The following PIGM variants were observed in gnomAD, a reference collection of about 807,000 sequenced individuals.
PIGM encodes the protein GPI alpha-1,4-mannosyltransferase I, catalytic subunit.
A neutral mutation model predicts 14.6 loss-of-function variants in PIGM; 7 were observed. That is an observed-to-expected ratio of 0.48 (90% CI 0.27 to 0.90). PIGM has a LOEUF of 0.90. Among genes scored for constraint, PIGM ranks in the 40% least tolerant of loss-of-function variants. The probability of loss-of-function intolerance (pLI) is 0.12; values close to 1 mark genes in which losing one functional copy is unlikely to be tolerated. For synonymous variants in PIGM, 216 were observed against 215.9 expected (o/e 1.00, Z 0.00); for missense variants, 506 against 516.2 (o/e 0.98, Z 0.19).
In PIGM at chr1:160,031,601, A is replaced by G. The variant is rs774706998; in HGVS notation, c.139T>C (p.Tyr47His). ...AAGACCTGGTAGTCGATGTCCGTAT[A>G]CCTCACGTGCAGGGTCCGGTCCTGG... is the stretch of plus-strand genomic sequence containing the variant. ...VFQDRTLHVR[Y>H]TDIDYQVFTD... The change falls in exon 1 of 1, where the codon TAT becomes CAT. Residue 47 changes from tyrosine (Y) to histidine (H), a missense_variant. By Grantham distance (83) the Tyr-to-His change is moderately conservative. Transcript: ENST00000368090. 1.9e-6 allele frequency: 3 copies of G among 1,613,888 alleles called. No homozygotes were observed.
At position 160,031,568 on chromosome 1, in the gene PIGM, C is replaced by G; in HGVS notation, c.172G>C (p.Ala58Pro). 6.2e-7 allele frequency: 1 copy of G among 1,614,176 alleles called. No homozygotes were observed. Among genetic ancestry groups the G allele is most frequent in the Non-Finnish European group, 8.5e-7 (1 of 1,180,034 alleles). ...CGCCCCTCCGTGACGAAGCGCGCGG[C>G]GTCGGTGAAGACCTGGTAGTCGATG... Reference protein sequence around the residue: ...TDIDYQVFTDAARFVTEGRSP... With the variant: ...TDIDYQVFTDPARFVTEGRSP... The change falls in exon 1 of 1, where the codon GCC becomes CCC. Residue 58 changes from alanine to proline, a missense_variant. By Grantham distance (27) the Ala-to-Pro change is conservative. Coordinates refer to ENST00000368090, the MANE Select transcript of PIGM (RefSeq NM_145167.3).
chr1:160,031,409 A>G lies in PIGM; in HGVS notation c.331T>C (p.Tyr111His), dbSNP rs1442624443. The change falls in exon 1 of 1, where the codon TAC (tyrosine) becomes CAC (histidine). Residue 111 changes from tyrosine to histidine, a missense_variant. Tyr to His is a moderately conservative substitution (Grantham distance 83). Transcript: ENST00000368090. ...AGCCCCTTCAGCAGCAGCAGGCGGT[A>G]TAAGAGGAAAGCGGTGAGGAGGTCG... ...SCDLLTAFLL[Y>H]RLLLLKGLGR... The G allele has an allele frequency of 6.2e-6, 10 of 1,610,308 alleles. No individual in the cohort carries two copies. In the South Asian group the frequency reaches 6.6e-5, roughly 11 times the overall value.
In PIGM at chr1:160,026,293, G is replaced by A. The variant is rs1056671064; in HGVS notation, c.*4175C>T. On this transcript the variant is annotated 3_prime_UTR_variant, in exon 1 of 1. Transcript: ENST00000368090. ...TCCAAGAACGTCTGTTCTTTAAGAT[G>A]TAACAAAAAACACCTGAAGAAATTT... is the stretch of plus-strand genomic sequence containing the variant. 1 of 152,096 alleles carries A rather than the reference G, an allele frequency of 6.6e-6. No homozygotes were observed. Among genetic ancestry groups the A allele is most frequent in the African/African-American group, 2.4e-5 (1 of 41,424 alleles). 9.4% of individuals were successfully genotyped at this position (152,096 alleles called of 1,614,324 possible).
chr1:160,031,861 A>G lies in PIGM; in HGVS notation c.-122T>C. On this transcript the variant is annotated 5_prime_UTR_variant, in exon 1 of 1. Transcript: ENST00000368090. The stretch of plus-strand genomic sequence containing the variant: ...TCCCACCCGCCAGGCTGCCAACCGA[A>G]ACGACTGCAGACTATCACATCCGGC... The G allele has an allele frequency of 8.8e-7, 1 of 1,137,452 alleles. No homozygotes were observed. 70.5% of individuals were successfully genotyped at this position (1,137,452 alleles called of 1,614,324 possible).
At position 160,025,240 on chromosome 1, in the gene PIGM, C is replaced by T. The variant is rs1452722240; in HGVS notation, c.*5228G>A. 1 of 152,202 alleles carries T rather than the reference C, an allele frequency of 6.6e-6. No individual in the cohort carries two copies. The highest frequency in any genetic ancestry group is 1.9e-4 in the East Asian group (1 of 5,204). 9.4% of individuals were successfully genotyped at this position (152,202 alleles called of 1,614,324 possible). ...AGATTGTGCTATCATTCCCATTTCA[C>T]AGATAAAAACTAATGTATCTAGATA... is the stretch of plus-strand genomic sequence containing the variant. On this transcript the variant is annotated 3_prime_UTR_variant, in exon 1 of 1. Coordinates refer to ENST00000368090, the MANE Select transcript of PIGM (RefSeq NM_145167.3).
rs1373178442 is a variant in PIGM at position 160,029,955 on chromosome 1, G to C, written c.*513C>G. 2 of 155,598 alleles carry C rather than the reference G, an allele frequency of 1.3e-5. No homozygotes were observed. The highest frequency in any genetic ancestry group is 2.8e-5 in the Non-Finnish European group (2 of 72,072). The allele number at this position is 155,598 out of a possible 1,614,324, so 9.6% of individuals were successfully genotyped here. A position where few individuals can be genotyped will look rare whatever the true frequency, so the allele number is the denominator to read the frequency against. On this transcript the variant is annotated 3_prime_UTR_variant, in exon 1 of 1. Coordinates refer to ENST00000368090, the MANE Select transcript of PIGM (RefSeq NM_145167.3). Reference sequence around the variant, plus strand: ...TGCCCCAGGTGGGTCTAGAACTCCTGAACTCAAGCGACCCTCCCACCTCAG... The same window carrying C: ...TGCCCCAGGTGGGTCTAGAACTCCTCAACTCAAGCGACCCTCCCACCTCAG...
rs1648206495 is a variant in PIGM, at chr1:160,027,358, G to A, written c.*3110C>T. 6.6e-6 allele frequency: 1 copy of A among 152,218 alleles called. No individual in the cohort carries two copies. The allele number at this position is 152,218 out of a possible 1,614,324, so 9.4% of individuals were successfully genotyped here. On this transcript the variant is annotated 3_prime_UTR_variant, in exon 1 of 1. Coordinates refer to ENST00000368090, the MANE Select transcript of PIGM (RefSeq NM_145167.3). ...AACATCTTGTAAGAGTCCAGATGGT[G>A]AGAAGTCAGTAACTAAAATCAGTGG... is the stretch of plus-strand genomic sequence containing the variant.
chr1:160,029,214 T>C lies in PIGM; in HGVS notation c.*1254A>G, dbSNP rs911223653. On this transcript the variant is annotated 3_prime_UTR_variant, in exon 1 of 1. Coordinates refer to ENST00000368090, the MANE Select transcript of PIGM (RefSeq NM_145167.3). Reference sequence around the variant, plus strand: ...ATAGTTTGTGTAGGACCACAAACATTAAAGGCAAGATGATAGTTTTAAAAA... The same window carrying C: ...ATAGTTTGTGTAGGACCACAAACATCAAAGGCAAGATGATAGTTTTAAAAA... 4 of 152,104 alleles carry C rather than the reference T, an allele frequency of 2.6e-5. No homozygotes were observed. The highest frequency in any genetic ancestry group is 2.6e-4 in the Admixed American group (4 of 15,264). The allele number at this position is 152,104 out of a possible 1,614,324, so 9.4% of individuals were successfully genotyped here.
In PIGM at chr1:160,031,492, A is replaced by T; in HGVS notation, c.248T>A (p.Leu83His). ...TYRYTPLLGW[L>H]LTPNIYLSEL... Reference sequence around the variant, plus strand: ...GCTGAGGTAGATGTTGGGAGTGAGGAGCCAACCCAGCAGCGGGGTGTAACG... The same window carrying T: ...GCTGAGGTAGATGTTGGGAGTGAGGTGCCAACCCAGCAGCGGGGTGTAACG... The change falls in exon 1 of 1, where the codon CTC becomes CAC. Residue 83 changes from leucine to histidine, a missense_variant. Coordinates refer to ENST00000368090, the MANE Select transcript of PIGM (RefSeq NM_145167.3). 1 of 1,614,162 alleles carries T rather than the reference A, an allele frequency of 6.2e-7. No individual in the cohort carries two copies. The highest frequency in any genetic ancestry group is 8.5e-7 in the Non-Finnish European group (1 of 1,180,006).
In PIGM at chr1:160,030,941, T is replaced by C. The variant is rs745560755; in HGVS notation, c.799A>G (p.Ile267Val). ...AAGTACGGAGAAAAGTTGTGACGGATATCCCGCCTAGTCAGGTGATAAAAG... is the reference window on the plus strand; with the variant it reads ...AAGTACGGAGAAAAGTTGTGACGGACATCCCGCCTAGTCAGGTGATAAAAG... ...TYFYHLTRRDIRHNFSPYFYM... is the reference protein window; with the variant it reads ...TYFYHLTRRDVRHNFSPYFYM... Residue 267 changes from isoleucine (I) to valine (V), a missense_variant, in exon 1 of 1, where the codon ATC becomes GTC. Coordinates refer to ENST00000368090, the MANE Select transcript of PIGM (RefSeq NM_145167.3). 39 of 1,614,054 alleles carry C rather than the reference T, an allele frequency of 2.4e-5. No homozygotes were observed. Among genetic ancestry groups the C allele is most frequent in the Non-Finnish European group, 3.2e-5 (38 of 1,180,038 alleles).
rs748477538 is a variant in PIGM at position 160,030,968 on chromosome 1, A to T, written c.772T>A (p.Tyr258Asn). The T allele has an allele frequency of 3.7e-6, 6 of 1,614,062 alleles. No homozygotes were observed. The highest frequency in any genetic ancestry group is 5.1e-6 in the Non-Finnish European group (6 of 1,180,038). Residue 258 changes from tyrosine (Y) to asparagine (N), a missense_variant, in exon 1 of 1, where the codon TAC becomes AAC. Transcript: ENST00000368090. ...TCCCGCCTAGTCAGGTGATAAAAGT[A>T]GGTGTGTTCCAAAAATTCCCAGCCG... ...EYGWEFLEHT[Y>N]FYHLTRRDIR...
chr1:160,030,579 C>T lies in PIGM; in HGVS notation c.1161G>A (p.Leu387=). The T allele has an allele frequency of 6.2e-7, 1 of 1,614,142 alleles. No homozygotes were observed. The highest frequency in any genetic ancestry group is 8.5e-7 in the Non-Finnish European group (1 of 1,179,978). The change falls in exon 1 of 1, where the codon CTG becomes CTA. Residue 387 remains leucine (L), a synonymous_variant. Transcript: ENST00000368090. The part of the protein sequence containing the change: ...VLEFQGKNTF[L]FIWLAGLFFL... ...AGAACAAACCAGCTAACCAAATAAA[C>T]AGAAAGGTGTTCTTTCCTTGAAACT... is the stretch of plus-strand genomic sequence containing the variant.
At position 160,030,120 on chromosome 1, in the gene PIGM, T is replaced by C. The variant is rs1648286154; in HGVS notation, c.*348A>G. 1 of 279,956 alleles carries C rather than the reference T, an allele frequency of 3.6e-6. No homozygotes were observed. The highest frequency in any genetic ancestry group is 3.9e-5 in the South Asian group (1 of 25,458). 17.3% of individuals were successfully genotyped at this position (279,956 alleles called of 1,614,324 possible). ...TAAGACACAGCTTAAGACAGAAGCA[T>C]TGTAAAACAGGAACAAATACTGGCT... is the stretch of plus-strand genomic sequence containing the variant. On this transcript the variant is annotated 3_prime_UTR_variant, in exon 1 of 1. Coordinates refer to ENST00000368090, the MANE Select transcript of PIGM (RefSeq NM_145167.3).
rs1337495850 is a variant in PIGM at position 160,030,799 on chromosome 1, A to C, written c.941T>G (p.Val314Gly). Reference sequence around the variant, plus strand: ...GGACGTATGAAGAAAACAACAAAAAACGAGGTCTCTGTAATAGGCGAAAGA... The same window carrying C: ...GGACGTATGAAGAAAACAACAAAAACCGAGGTCTCTGTAATAGGCGAAAGA... ...AVSFAYYRDL[V>G]FCCFLHTSIF... The change falls in exon 1 of 1, where the codon GTT becomes GGT. Residue 314 changes from valine to glycine, a missense_variant. By Grantham distance (109) the Val-to-Gly change is moderately radical. Coordinates refer to ENST00000368090, the MANE Select transcript of PIGM (RefSeq NM_145167.3). The C allele has an allele frequency of 1.2e-5, 19 of 1,614,202 alleles. No homozygotes were observed. Among genetic ancestry groups the C allele is most frequent in the Non-Finnish European group, 1.5e-5 (18 of 1,180,012 alleles).
chr1:160,031,557 G>T lies in PIGM; in HGVS notation c.183C>A (p.Phe61Leu), dbSNP rs745664346. 4 of 1,614,198 alleles carry T rather than the reference G, an allele frequency of 2.5e-6. No individual in the cohort carries two copies. The highest frequency in any genetic ancestry group is 2.2e-5 in the East Asian group (1 of 44,878). ...DYQVFTDAAR[F>L]VTEGRSPYLR... ...GGTAAGGCGAGCGCCCCTCCGTGAC[G>T]AAGCGCGCGGCGTCGGTGAAGACCT... The change falls in exon 1 of 1, where the codon TTC becomes TTA. Residue 61 changes from phenylalanine to leucine, a missense_variant. Coordinates refer to ENST00000368090, the MANE Select transcript of PIGM (RefSeq NM_145167.3).
chr1:160,031,903 GT>G lies in PIGM; in HGVS notation c.-165del. 1.1e-6 allele frequency: 1 copy of G among 897,118 alleles called. No homozygotes were observed. Among genetic ancestry groups the G allele is most frequent in the Non-Finnish European group, 1.8e-6 (1 of 553,900 alleles). The allele number at this position is 897,118 out of a possible 1,614,324, so 55.6% of individuals were successfully genotyped here. On this transcript the variant is annotated 5_prime_UTR_variant, in exon 1 of 1. Coordinates refer to ENST00000368090, the MANE Select transcript of PIGM (RefSeq NM_145167.3). Reference sequence around the variant, plus strand: ...ACATCCGGCATGAAGCCCCGCCCCCGTACTGCTACCTGTCTCCAGCCCCGCG... The same window carrying G: ...ACATCCGGCATGAAGCCCCGCCCCCGACTGCTACCTGTCTCCAGCCCCGCG...
rs1443261434 is a variant in PIGM, at chr1:160,029,951, T to G, written c.*517A>C. 4 of 158,632 alleles carry G rather than the reference T, an allele frequency of 2.5e-5. No homozygotes were observed. The East Asian group carries it at 7.2e-4, about 29-fold the overall frequency. The allele number at this position is 158,632 out of a possible 1,614,324, so 9.8% of individuals were successfully genotyped here. On this transcript the variant is annotated 3_prime_UTR_variant, in exon 1 of 1. Transcript: ENST00000368090. ...ATCTTGCCCCAGGTGGGTCTAGAAC[T>G]CCTGAACTCAAGCGACCCTCCCACC...
chr1:160,028,003 A>C lies in PIGM; in HGVS notation c.*2465T>G, dbSNP rs1297159194. ...TAAGAATGTCCTAAGAGAATGAGCT[A>C]AAACACAGAAAATGTTGAAAGTCTT... On this transcript the variant is annotated 3_prime_UTR_variant, in exon 1 of 1. Coordinates refer to ENST00000368090, the MANE Select transcript of PIGM (RefSeq NM_145167.3). 1.3e-5 allele frequency: 2 copies of C among 152,196 alleles called. No individual in the cohort carries two copies. Among genetic ancestry groups the C allele is most frequent in the Non-Finnish European group, 2.9e-5 (2 of 68,032 alleles). 9.4% of individuals were successfully genotyped at this position (152,196 alleles called of 1,614,324 possible). A position where few individuals can be genotyped will look rare whatever the true frequency, so the allele number is the denominator to read the frequency against.
chr1:160,030,353 A>G lies in PIGM; in HGVS notation c.*115T>C. The G allele has an allele frequency of 2.7e-6, 3 of 1,116,854 alleles. No homozygotes were observed. The highest frequency in any genetic ancestry group is 4.1e-6 in the Non-Finnish European group (3 of 738,104). 69.2% of individuals were successfully genotyped at this position (1,116,854 alleles called of 1,614,324 possible). On this transcript the variant is annotated 3_prime_UTR_variant, in exon 1 of 1. Transcript: ENST00000368090. ...CATTGCTTTTAAGTTCTGTTGGAACATGGGAACTTTCACTAGAATGCTTAG... is the reference window on the plus strand; with the variant it reads ...CATTGCTTTTAAGTTCTGTTGGAACGTGGGAACTTTCACTAGAATGCTTAG...
Sources: allele counts gnomAD v4.1 joint callset, GRCh38; gene constraint gnomAD v4.1.1; transcripts MANE v1.5; gene names NCBI Gene and HGNC (gene_info 2026-07-23, HGNC 2026-07-21).